The following AFF1 variants were observed in gnomAD, a reference collection of about 807,000 sequenced individuals.
The protein encoded by AFF1 is AF4/FMR2 family member 1.
In AFF1, 48 loss-of-function variants were observed where a neutral mutation model predicts 121.7. The observed-to-expected ratio is 0.39, with a 90% CI of 0.31 to 0.50. The LOEUF is 0.50. Among genes scored for constraint, AFF1 ranks in the 20% least tolerant of loss-of-function variants. The pLI is 0.76. For synonymous variants in AFF1, 613 were observed against 563.0 expected, an observed-to-expected ratio of 1.09 and a Z score of -1.26; for missense variants, 1,523 against 1,511.7, an observed-to-expected ratio of 1.01 and a Z score of -0.12.
rs189247099 is a variant in AFF1, at chr4:87,135,572, T to G, written c.3536-8T>G. 1.1e-3 allele frequency: 1,732 copies of G among 1,545,296 alleles called. 5 individuals carry two copies. Among genetic ancestry groups the G allele is most frequent in the African/African-American group, 0.011 (792 of 72,410 alleles). ...ACTTGTTTTTGTTTTGTTTTGTTTT[T>G]TTTGCAGAATTCTTTGCTCGGCTCA... On this transcript the variant is annotated splice_region_variant and splice_polypyrimidine_tract_variant and intron_variant, in intron 20 of 20. Transcript: ENST00000395146.
At chr4:86,940,544 A>G (rs920591918) in intron 1 of AFF1, among the ~76,000 whole-genome samples, 2 of 152,066 alleles carry the variant, frequency 1.3e-5, no homozygotes, top group Admixed American at 6.6e-5. Flanking sequence ...GATCACAGGC[A>G]TGTGCCACCA....
rs577496826 is a variant in AFF1 at position 86,995,657 on chromosome 4, C to A, written c.38+47086C>A. 3.3e-3 allele frequency among the ~76,000 whole-genome samples: 502 copies of A among 150,876 alleles called. 2 individuals carry two copies. The highest frequency in any genetic ancestry group is 0.012 in the African/African-American group (479 of 41,378). On this transcript the variant is annotated intron_variant, in intron 2 of 20. Transcript: ENST00000395146. ...GGAGTGCAGTGGTGTGATCTCGGCT[C>A]GCTACAACCTCCACCTCCCAGCAGC...
In AFF1 at chr4:86,958,387, G is replaced by A. The variant is rs940172267; in HGVS notation, c.38+9816G>A. 2.6e-5 allele frequency among the ~76,000 whole-genome samples: 4 copies of A among 151,924 alleles called. 1 individual carries two copies. In the Middle Eastern group the frequency reaches 0.01, roughly 388 times the overall value. ...ATTACAGGCGTGAGTCACCGTGCCC[G>A]GCCCCAAACTTTCTAGATTGTTTTA... On this transcript the variant is annotated intron_variant, in intron 2 of 20. Transcript: ENST00000395146.
At position 86,985,181 on chromosome 4, in the gene AFF1, CTATATATA is replaced by C. The variant is rs55891819; in HGVS notation, c.38+36637_38+36644del. ...AATATAATATATATAATATGTATTA[CTATATATA>C]TATATATATATATATATATATATAT... On this transcript the variant is annotated intron_variant, in intron 2 of 20. Coordinates refer to ENST00000395146, the MANE Select transcript of AFF1 (RefSeq NM_001166693.3). Among the ~76,000 whole-genome samples the C allele has an allele frequency of 9.4e-3, 911 of 96,468 alleles. 28 individuals carry two copies. The highest frequency in any genetic ancestry group is 0.028 in the African/African-American group (563 of 19,850). The allele number at this position is 96,468 out of a possible 152,430, so 63.3% of individuals were successfully genotyped here.
At chr4:87,118,910 C>G (rs1028730682) in intron 12 of AFF1, among the ~76,000 whole-genome samples, 4 of 152,176 alleles carry the variant, frequency 2.6e-5, no homozygotes, top group Admixed American at 1.3e-4. Flanking sequence ...CTCAGGAACA[C>G]TGGTTCTTCT....
At chr4:87,132,992 G>A (rs1303641648) in intron 19 of AFF1, among the ~76,000 whole-genome samples, 1 of 152,224 alleles carries the variant, frequency 6.6e-6, no homozygotes, top group African/African-American at 2.4e-5. Flanking sequence ...CACCGCACCT[G>A]GCCGAGCTTT....
At chr4:87,072,028 ATAAAT>A (rs1474930216) in intron 4 of AFF1, among the ~76,000 whole-genome samples, 1 of 152,130 alleles carries the variant, frequency 6.6e-6, no homozygotes, top group Non-Finnish European at 1.5e-5. Context: ...GATGAGAGAA[ATAAAT>A]TGAGATGGAG....
intron 4 of AFF1, among the ~76,000 whole-genome samples, chr4:87,076,589 C>T (rs182059475): frequency 1.3e-5 from 2 of 152,328 alleles, no homozygotes; most frequent in East Asian, 1.9e-4. Context: ...GAAAGCTGTT[C>T]AGAGCACCTT....
chr4:87,020,804 G>A (rs1395609958), intron 2 of AFF1: 1 of 985,178 alleles, frequency 1.0e-6, no homozygotes, highest in Non-Finnish European at 1.2e-6. Context: ...TTGATGCACA[G>A]GTAGTCATCA....
intron 2 of AFF1, among the ~76,000 whole-genome samples, chr4:86,984,919 TAAAAAAATAAAAATAAA>T: frequency 6.6e-6 from 1 of 151,444 alleles, no homozygotes; most frequent in African/African-American, 2.4e-5. Context: ...AGACTCCATC[TAAAAAAATAAAAATAAA>T]AAAGACAAAT....
At chr4:87,082,533 T>A (rs895064387) in intron 4 of AFF1, among the ~76,000 whole-genome samples, 4 of 152,216 alleles carry the variant, frequency 2.6e-5, no homozygotes, top group Non-Finnish European at 5.9e-5. Context: ...AATTTTTTTT[T>A]AATTTTTAAA....
At chr4:87,131,915 T>C in intron 18 of AFF1, 51 bp downstream of exon 18, 1 of 1,401,588 alleles carries the variant, frequency 7.1e-7, no homozygotes, top group South Asian at 1.4e-5. Flanking sequence ...TTGCATCTGT[T>C]GATGTTACAA....
In AFF1 at chr4:87,037,299, A is replaced by G. The variant is rs1044671605; in HGVS notation, c.39-8867A>G. 5.9e-5 allele frequency among the ~76,000 whole-genome samples: 9 copies of G among 152,124 alleles called. 1 individual carries two copies. The highest frequency in any genetic ancestry group is 2.0e-4 in the Admixed American group (3 of 15,280). On this transcript the variant is annotated intron_variant, in intron 2 of 20. Transcript: ENST00000395146. The stretch of plus-strand genomic sequence containing the variant: ...ACTTAACATTCTGCACCCTAATCCC[A>G]TGCTGCTTGGTGGTAGGTTGTTTTT...
intron 4 of AFF1, 60 bp from the exon 5 acceptor site, chr4:87,084,060 C>G (rs1723433797): frequency 2.1e-6 from 3 of 1,458,398 alleles, no homozygotes; most frequent in Admixed American, 1.7e-5. Flanking sequence ...AGTCATCCAC[C>G]AGTACCATCA....
At chr4:87,015,970 C>G (rs917614541) in intron 2 of AFF1, among the ~76,000 whole-genome samples, 1 of 152,212 alleles carries the variant, frequency 6.6e-6, no homozygotes, top group Non-Finnish European at 1.5e-5. Flanking sequence ...CACCTGAGGT[C>G]AGGAGTTTGA....
intron 2 of AFF1, among the ~76,000 whole-genome samples, chr4:87,037,970 C>G (rs1327865240): frequency 6.9e-6 from 1 of 144,472 alleles, no homozygotes; most frequent in Non-Finnish European, 1.5e-5. Flanking sequence ...TCACATAAAA[C>G]TTTAAAAATA....
intron 2 of AFF1, among the ~76,000 whole-genome samples, chr4:86,956,227 C>G (rs573145240): frequency 6.6e-5 from 10 of 152,250 alleles, no homozygotes; most frequent in Admixed American, 6.5e-4. Flanking sequence ...AAAATGATTG[C>G]TAACTGATAA....
intron 2 of AFF1, among the ~76,000 whole-genome samples, chr4:87,019,893 GCA>G (rs1727725099): frequency 1.5e-5 from 2 of 133,778 alleles, no homozygotes; most frequent in African/African-American, 2.6e-5. Flanking sequence ...TCGGGGGGGG[GCA>G]GTCTTGGGGA....
At chr4:86,981,645 C>T (rs1302528441) in intron 2 of AFF1, among the ~76,000 whole-genome samples, 1 of 152,196 alleles carries the variant, frequency 6.6e-6, no homozygotes, top group Non-Finnish European at 1.5e-5. Context: ...GCTGGGATTA[C>T]AGGTATGAGC....
Sources: gnomAD v4.1 joint callset for allele counts (sites outside exome capture counted in the v4.1 genomes callset) on GRCh38, gnomAD v4.1.1 for gene constraint, MANE v1.5 for transcripts, NCBI Gene and HGNC (gene_info 2026-07-23, HGNC 2026-07-21) for gene names.